SYNRG: variants seen among roughly 807,000 people sequenced by gnomAD.
SYNRG encodes synergin gamma, also known as AP1 gamma subunit binding protein 1.
SYNRG carries 37 observed loss-of-function variants against 130.9 expected under a neutral mutation model. The observed-to-expected ratio is 0.28, with a 90% CI of 0.22 to 0.37. The LOEUF (loss-of-function observed/expected upper bound fraction) is 0.37. Among genes scored for constraint, SYNRG ranks in the 10% least tolerant of loss-of-function variants. The pLI is 1.00. For missense variants in SYNRG, 1,338 were observed against 1,588.9 expected (o/e 0.84, Z 2.68); for synonymous variants, 539 against 568.1 (o/e 0.95, Z 0.73).
rs1478524470 is a variant in SYNRG at position 37,553,674 on chromosome 17, T to C, written c.2049A>G (p.Ala683=). Residue 683 remains alanine, a synonymous_variant, in exon 14 of 22, where the codon GCA becomes GCG. Coordinates refer to ENST00000612223, the MANE Select transcript of SYNRG (RefSeq NM_007247.6). ...FSLFGEYSGL[A]PVGEQDDFAD... is the part of the protein sequence containing the mutation. ...CAAAGTCATCCTGCTCCCCAACAGG[T>C]GCTAGACCAGAATATTCCCCAAAAA... The C allele has an allele frequency of 3.1e-6, 5 of 1,614,012 alleles. No individual in the cohort carries two copies. The highest frequency in any genetic ancestry group is 4.2e-6 in the Non-Finnish European group (5 of 1,180,002).
chr17:37,530,699 C>T (rs1209332194), intron 19 of SYNRG, among the ~76,000 whole-genome samples: 1 of 152,198 alleles, frequency 6.6e-6, no homozygotes, highest in Non-Finnish European at 1.5e-5. Context: ...AAGAATTCTG[C>T]CTCTCTGAAT....
At chr17:37,565,933 C>T (rs71531507) in intron 11 of SYNRG, among the ~76,000 whole-genome samples, 2 of 145,966 alleles carry the variant, frequency 1.4e-5, no homozygotes, top group Non-Finnish European at 3.0e-5. Context: ...GCCCCCTGCC[C>T]GGCCAGCCGC....
chr17:37,531,049 G>C (rs1013584813), intron 19 of SYNRG, among the ~76,000 whole-genome samples: 1 of 152,112 alleles, frequency 6.6e-6, no homozygotes, highest in African/African-American at 2.4e-5. Context: ...AAGAGTTTGA[G>C]ACAAGCCTGG....
chr17:37,535,016 A>C (rs539024469), intron 19 of SYNRG, among the ~76,000 whole-genome samples: 1 of 152,320 alleles, frequency 6.6e-6, no homozygotes, highest in Admixed American at 6.5e-5. Context: ...TGAATATATA[A>C]AAATAAAATA....
In SYNRG at chr17:37,553,518, T is replaced by C. The variant is rs780213461; in HGVS notation, c.2205A>G (p.Gly735=). The C allele has an allele frequency of 1.2e-6, 2 of 1,614,222 alleles. No homozygotes were observed. The highest frequency in any genetic ancestry group is 1.1e-5 in the South Asian group (1 of 91,088). ...TGGTAGACGCAGCAGTCGAGTTTTG[T>C]CCACCCTTCACTGTGCTGCCCACGT... ...TSNVGSTVKG[G]QNSTAASTKY... Residue 735 remains glycine (G), a synonymous_variant, in exon 14 of 22, where the codon GGA becomes GGG. Coordinates refer to ENST00000612223, the MANE Select transcript of SYNRG (RefSeq NM_007247.6).
At chr17:37,543,897 A>G (rs182776865) in intron 14 of SYNRG, among the ~76,000 whole-genome samples, 1 of 152,282 alleles carries the variant, frequency 6.6e-6, no homozygotes, top group African/African-American at 2.4e-5. Flanking sequence ...TGAGGCAAGA[A>G]GGCCAAATAT....
At chr17:37,551,204 G>T (rs1314758763) in intron 14 of SYNRG, among the ~76,000 whole-genome samples, 1 of 152,198 alleles carries the variant, frequency 6.6e-6, no homozygotes, top group Non-Finnish European at 1.5e-5. Context: ...ATACTGTGGT[G>T]AACATGAGGA....
intron 11 of SYNRG, among the ~76,000 whole-genome samples, chr17:37,565,270 A>C (rs895121285): frequency 2.0e-5 from 3 of 152,190 alleles, no homozygotes; most frequent in Admixed American, 6.5e-5. Flanking sequence ...CTTAAAAAAA[A>C]AAAAAATAGT....
At chr17:37,602,726 C>A (rs913963165) in intron 1 of SYNRG, among the ~76,000 whole-genome samples, 12 of 152,002 alleles carry the variant, frequency 7.9e-5, no homozygotes, top group African/African-American at 2.4e-4. Context: ...GATTAACACG[C>A]GAAGGAGCAA....
chr17:37,528,631 G>C (rs1020822799), intron 19 of SYNRG, among the ~76,000 whole-genome samples: 1 of 152,144 alleles, frequency 6.6e-6, no homozygotes, highest in Non-Finnish European at 1.5e-5. Context: ...TCTCCACTTT[G>C]AGCGTCTAAT....
chr17:37,593,959 T>C (rs1042301788), intron 3 of SYNRG, among the ~76,000 whole-genome samples: 2 of 151,866 alleles, frequency 1.3e-5, no homozygotes, highest in African/African-American at 4.8e-5. Flanking sequence ...AGAAAAAGAC[T>C]TTGGCTGCTT....
intron 11 of SYNRG, among the ~76,000 whole-genome samples, chr17:37,564,801 T>C (rs2059799323): frequency 6.6e-6 from 1 of 152,258 alleles, no homozygotes. Context: ...GAGAACGTTA[T>C]CAGATAATTT....
rs1316655841 is a variant in SYNRG, at chr17:37,538,372, C to T, written c.3469G>A (p.Val1157Ile). 7.4e-6 allele frequency: 12 copies of T among 1,611,616 alleles called. No individual in the cohort carries two copies. The highest frequency in any genetic ancestry group is 1.0e-5 in the Non-Finnish European group (12 of 1,179,374). ...GCTGACTGAATTACTTCTGTGCAAA[C>T]AGAACTACTACTGATTCCATTTAAG... is the stretch of plus-strand genomic sequence containing the variant. Reference protein sequence around the residue: ...DTLNGISSSSVCTEVIQSAQG... With the variant: ...DTLNGISSSSICTEVIQSAQG... Residue 1157 changes from valine (V) to isoleucine (I), a missense_variant, in exon 18 of 22, where the codon GTT becomes ATT. By Grantham distance (29) the Val-to-Ile change is conservative (BLOSUM62 3). This residue lies in a region of SYNRG where 1,146 missense variants were observed against 1,342.3 expected (regional missense o/e 0.85). Coordinates refer to ENST00000612223, the MANE Select transcript of SYNRG (RefSeq NM_007247.6).
intron 13 of SYNRG, among the ~76,000 whole-genome samples, chr17:37,557,977 C>A (rs1001013897): frequency 2.6e-5 from 4 of 152,152 alleles, no homozygotes; most frequent in Admixed American, 1.3e-4. Flanking sequence ...ACACAAGAAT[C>A]CTCATGTTAA....
chr17:37,531,622 C>G (rs1568283022), intron 19 of SYNRG, among the ~76,000 whole-genome samples: 1 of 151,946 alleles, frequency 6.6e-6, no homozygotes, highest in African/African-American at 2.4e-5. Context: ...ACAAAAAATA[C>G]AAAAACATTG....
rs181035573 is a variant in SYNRG at position 37,600,378 on chromosome 17, T to C, written c.103A>G (p.Ile35Val). ...TCTCACATACCTTGAGGGGGTCTTA[T>C]CCCACCTGCAACAGGAAACATGAAG... ...GGFMFPVAGGIRPPQAGLMPM... is the reference protein window; with the variant it reads ...GGFMFPVAGGVRPPQAGLMPM... The change falls in exon 2 of 22, where the codon ATA becomes GTA. Residue 35 changes from isoleucine (I) to valine (V), a missense_variant. This residue lies in a region of SYNRG where 184 missense variants were observed against 217.2 expected (regional missense o/e 0.85). Coordinates refer to ENST00000612223, the MANE Select transcript of SYNRG (RefSeq NM_007247.6). 1 of 1,613,138 alleles carries C rather than the reference T, an allele frequency of 6.2e-7. No homozygotes were observed. Among genetic ancestry groups the C allele is most frequent in the East Asian group, 2.2e-5 (1 of 44,864 alleles).
intron 8 of SYNRG, among the ~76,000 whole-genome samples, chr17:37,572,742 A>G (rs1340778998): frequency 6.6e-6 from 1 of 152,236 alleles, no homozygotes; most frequent in Non-Finnish European, 1.5e-5. Flanking sequence ...ACAGCCTTTA[A>G]GGAAAGACCC....
At chr17:37,601,451 A>T (rs1029021549) in intron 1 of SYNRG, among the ~76,000 whole-genome samples, 1 of 152,220 alleles carries the variant, frequency 6.6e-6, no homozygotes, top group African/African-American at 2.4e-5. Context: ...TAACATATAC[A>T]TAACATAAAA....
chr17:37,568,850 G>A lies in SYNRG; in HGVS notation c.1422C>T (p.Phe474=). The A allele has an allele frequency of 6.2e-7, 1 of 1,614,076 alleles. No individual in the cohort carries two copies. The highest frequency in any genetic ancestry group is 8.5e-7 in the Non-Finnish European group (1 of 1,179,974). ...ASKSGSLDDS[F]SDFQELPASS... is the part of the protein sequence containing the mutation. ...AAGCAGGCAACTCTTGGAAATCACT[G>A]AATGAGTCATCAAGGGATCCTGACT... is the stretch of plus-strand genomic sequence containing the variant. The change falls in exon 11 of 22, where the codon TTC becomes TTT. Residue 474 remains phenylalanine, a synonymous_variant. Transcript: ENST00000612223.
Sources: allele counts gnomAD v4.1 joint callset (sites outside exome capture counted in the v4.1 genomes callset), GRCh38; gene constraint gnomAD v4.1.1; regional missense constraint gnomAD v4.1.1; transcripts MANE v1.5; gene names NCBI Gene and HGNC (gene_info 2026-07-23, HGNC 2026-07-21).